The following COL21A1 variants were observed in gnomAD, a reference collection of about 807,000 sequenced individuals.
COL21A1 encodes collagen alpha-1(XXI) chain.
In COL21A1, 149 loss-of-function variants were observed where a neutral mutation model predicts 137.9. The ratio of observed to expected loss-of-function variants is 1.08; its 90% CI spans 0.95 to 1.24. COL21A1 has a LOEUF of 1.24. Ranked by LOEUF, COL21A1 falls within the 50% of genes most tolerant of loss-of-function variation. The pLI is 0.00. For missense variants in COL21A1, 1,167 were observed against 1,158.4 expected (o/e 1.01, Z -0.11); for synonymous variants, 456 against 391.5 (o/e 1.16, Z -1.95).
At chr6:56,310,944 T>C (rs920922917) in intron 1 of COL21A1, among the ~76,000 whole-genome samples, 13 of 152,190 alleles carry the variant, frequency 8.5e-5, no homozygotes, top group Non-Finnish European at 1.5e-4. Flanking sequence ...AGTTGACATG[T>C]AAACCATGGA....
In COL21A1 at chr6:56,125,569, T is replaced by G. The variant is rs753101395; in HGVS notation, c.1648A>C (p.Lys550Gln). Reference sequence around the variant, plus strand: ...TTTGTTGTGTGATCTATACTTCCCTTTTTGCCATAAAATCCAGGTGATCCT... The same window carrying G: ...TTTGTTGTGTGATCTATACTTCCCTGTTTGCCATAAAATCCAGGTGATCCT... ...DKGSPGFYGK[K>Q]GAKGEKGNAG... The change falls in exon 14 of 30, where the codon AAG becomes CAG. Residue 550 changes from lysine (K) to glutamine (Q), a missense_variant and splice_region_variant. Coordinates refer to ENST00000244728, the MANE Select transcript of COL21A1 (RefSeq NM_030820.4). 6.2e-7 allele frequency: 1 copy of G among 1,601,170 alleles called. No individual in the cohort carries two copies. The highest frequency in any genetic ancestry group is 1.1e-5 in the South Asian group (1 of 89,360).
intron 2 of COL21A1, among the ~76,000 whole-genome samples, chr6:56,181,806 A>G (rs1413183073): frequency 2.6e-5 from 4 of 152,174 alleles, no homozygotes; most frequent in African/African-American, 9.7e-5. Context: ...TAAGCCCCTT[A>G]ACTTATTAAA....
intron 27 of COL21A1, 54 bp from the exon 28 acceptor site, chr6:56,060,272 A>G: frequency 5.0e-6 from 7 of 1,386,836 alleles, no homozygotes; most frequent in South Asian, 2.8e-5. Context: ...AGTTGGTGTT[A>G]ATTATATTTT....
chr6:56,209,339 G>C (rs535991730), intron 1 of COL21A1, among the ~76,000 whole-genome samples: 1 of 152,074 alleles, frequency 6.6e-6, no homozygotes, highest in African/African-American at 2.4e-5. Flanking sequence ...AGAGTGAACA[G>C]GCAACCTAGA....
intron 9 of COL21A1, among the ~76,000 whole-genome samples, chr6:56,158,549 G>T (rs1775962326): frequency 2.0e-5 from 3 of 152,010 alleles, no homozygotes. Flanking sequence ...TGGTATTACA[G>T]TTGTGAACTA....
In COL21A1 at chr6:56,134,500, C is replaced by A. The variant is rs559040489; in HGVS notation, c.1542+7285G>T. Among the ~76,000 whole-genome samples the A allele has an allele frequency of 2.6e-5, 4 of 152,242 alleles. No homozygotes were observed. The South Asian group carries it at 8.3e-4, about 32-fold the overall frequency. ...TGGACTATGGACTTTCAAGTTAATGCTGAAATGATTTAAGACTTTGGGGTA... is the reference window on the plus strand; with the variant it reads ...TGGACTATGGACTTTCAAGTTAATGATGAAATGATTTAAGACTTTGGGGTA... On this transcript the variant is annotated intron_variant, in intron 12 of 29. Coordinates refer to ENST00000244728, the MANE Select transcript of COL21A1 (RefSeq NM_030820.4).
intron 1 of COL21A1, among the ~76,000 whole-genome samples, chr6:56,185,785 G>A (rs1778250290): frequency 6.6e-6 from 1 of 152,120 alleles, no homozygotes; most frequent in Admixed American, 6.5e-5. Context: ...CCAATTATTT[G>A]TTAAAGAAGT....
At chr6:56,260,970 A>T (rs1763259643) in intron 1 of COL21A1, among the ~76,000 whole-genome samples, 1 of 151,858 alleles carries the variant, frequency 6.6e-6, no homozygotes, top group African/African-American at 2.4e-5. Context: ...TTTCTTACAT[A>T]TTCAAGTCTA....
At chr6:56,384,035 G>A (rs765970172) in intron 1 of COL21A1, among the ~76,000 whole-genome samples, 5 of 152,042 alleles carry the variant, frequency 3.3e-5, no homozygotes, top group South Asian at 4.2e-4. Flanking sequence ...AGCCCCCTTC[G>A]CACTAATTTG....
chr6:56,130,181 A>ATATT (rs1287879518), intron 12 of COL21A1, among the ~76,000 whole-genome samples: 6 of 24,382 alleles, frequency 2.5e-4, no homozygotes, highest in African/African-American at 7.9e-4. Flanking sequence ...ATATATATAT[A>ATATT]TATATATATA....
chr6:56,238,869 C>T (rs1321966685), intron 1 of COL21A1, among the ~76,000 whole-genome samples: 1 of 152,164 alleles, frequency 6.6e-6, no homozygotes, highest in Non-Finnish European at 1.5e-5. Context: ...ATGATAATAA[C>T]TAATTTGAAC....
At chr6:56,254,314 T>C (rs1200346842) in intron 1 of COL21A1, among the ~76,000 whole-genome samples, 1 of 152,224 alleles carries the variant, frequency 6.6e-6, no homozygotes, top group African/African-American at 2.4e-5. Flanking sequence ...GTGGTTGGCC[T>C]CTGTGTTGAA....
intron 1 of COL21A1, among the ~76,000 whole-genome samples, chr6:56,355,639 T>C (rs1033741908): frequency 1.3e-5 from 2 of 152,180 alleles, no homozygotes; most frequent in South Asian, 2.1e-4. Flanking sequence ...ATGATAATGG[T>C]ATTGTGATTT....
At chr6:56,130,207 A>ATATATG (rs1773437612) in intron 12 of COL21A1, among the ~76,000 whole-genome samples, 1 of 30,184 alleles carries the variant, frequency 3.3e-5, no homozygotes, top group Non-Finnish European at 8.4e-5. Context: ...ATATATATAT[A>ATATATG]TATAAAATTT....
chr6:56,227,071 A>T (rs1050379511), intron 1 of COL21A1, among the ~76,000 whole-genome samples: 3 of 151,968 alleles, frequency 2.0e-5, no homozygotes, highest in African/African-American at 7.2e-5. Flanking sequence ...AGCAGGATAC[A>T]GTTCCAGATC....
intron 1 of COL21A1, among the ~76,000 whole-genome samples, chr6:56,340,493 AATGCTTTC>A (rs1765440437): frequency 6.6e-6 from 1 of 152,086 alleles, no homozygotes; most frequent in Admixed American, 6.5e-5. Context: ...GGCCAAGTTT[AATGCTTTC>A]ACCACTTCTC....
At chr6:56,290,487 A>G (rs1764012241) in intron 1 of COL21A1, among the ~76,000 whole-genome samples, 1 of 136,102 alleles carries the variant, frequency 7.3e-6, no homozygotes, top group African/African-American at 2.7e-5. Context: ...GCATATTAGA[A>G]TCACTTAGGA....
At chr6:56,120,702 G>A (rs1233331099) in intron 16 of COL21A1, among the ~76,000 whole-genome samples, 2 of 151,872 alleles carry the variant, frequency 1.3e-5, no homozygotes, top group Non-Finnish European at 2.9e-5. Flanking sequence ...GCTGAGGCAG[G>A]AGAATTGCTT....
chr6:56,267,098 T>C (rs899987101), intron 1 of COL21A1, among the ~76,000 whole-genome samples: 17 of 152,222 alleles, frequency 1.1e-4, no homozygotes, highest in Non-Finnish European at 2.4e-4. Context: ...TTCACCAAAA[T>C]ATGTTGTATG....
Sources: gnomAD v4.1 joint callset for allele counts (sites outside exome capture counted in the v4.1 genomes callset) on GRCh38, gnomAD v4.1.1 for gene constraint, MANE v1.5 for transcripts, NCBI Gene and HGNC (gene_info 2026-07-23, HGNC 2026-07-21) for gene names.